BAIAP2L1: variants seen among roughly 807,000 people sequenced by gnomAD.
BAIAP2L1 encodes BAR/IMD domain containing adaptor protein 2 like 1.
Under a neutral mutation model 66.3 loss-of-function variants are expected in BAIAP2L1, and 35 were observed. That is an observed-to-expected ratio of 0.53 (90% CI 0.40 to 0.70). The LOEUF (loss-of-function observed/expected upper bound fraction) is 0.70. Among genes scored for constraint, BAIAP2L1 ranks in the 30% least tolerant of loss-of-function variants. The probability of loss-of-function intolerance (pLI) is 0.00; values close to 1 mark genes in which losing one functional copy is unlikely to be tolerated. For synonymous variants in BAIAP2L1, 269 were observed against 248.7 expected, an observed-to-expected ratio of 1.08 and a Z score of -0.77; for missense variants, 622 against 656.9, an observed-to-expected ratio of 0.95 and a Z score of 0.58.
At chr7:98,374,746 C>G (rs1248564422) in intron 1 of BAIAP2L1, among the ~76,000 whole-genome samples, 10 of 151,982 alleles carry the variant, frequency 6.6e-5, no homozygotes, top group Admixed American at 6.6e-4. Context: ...CTGACCCTCT[C>G]TCTCTTCTTT....
chr7:98,374,866 G>T (rs577594927), intron 1 of BAIAP2L1, among the ~76,000 whole-genome samples: 1 of 151,632 alleles, frequency 6.6e-6, no homozygotes, highest in South Asian at 2.1e-4. Context: ...TGGGAGGATC[G>T]CTTGAGGTCA....
At chr7:98,328,623 G>C (rs1801426559) in intron 3 of BAIAP2L1, among the ~76,000 whole-genome samples, 1 of 146,214 alleles carries the variant, frequency 6.8e-6, no homozygotes, top group African/African-American at 2.6e-5. Context: ...GAGGTGGGAA[G>C]ACTGCTTGAG....
At chr7:98,378,705 G>A (rs778686444) in intron 1 of BAIAP2L1, among the ~76,000 whole-genome samples, 10 of 152,054 alleles carry the variant, frequency 6.6e-5, no homozygotes, top group Non-Finnish European at 1.5e-4. Context: ...GCATGACCTC[G>A]GCTCACTGCA....
At chr7:98,307,470 G>A (rs1800701703) in intron 10 of BAIAP2L1, 16 of 1,409,882 alleles carry the variant, frequency 1.1e-5, no homozygotes, top group South Asian at 4.6e-5. Flanking sequence ...GACTTCATAC[G>A]CTCTAATAAC....
At chr7:98,357,498 C>T (rs1255519960) in intron 2 of BAIAP2L1, among the ~76,000 whole-genome samples, 1 of 143,182 alleles carries the variant, frequency 7.0e-6, no homozygotes, top group Non-Finnish European at 1.5e-5. Context: ...ACTCGGGAGG[C>T]AGAGGTTACA....
At chr7:98,306,549 G>A in intron 10 of BAIAP2L1, 33 bp from the exon 11 acceptor site, 1 of 1,614,072 alleles carries the variant, frequency 6.2e-7, no homozygotes, top group East Asian at 2.2e-5. Context: ...GACCCTATCA[G>A]CAGTAGACAT....
At chr7:98,380,684 C>T (rs1467414338) in intron 1 of BAIAP2L1, among the ~76,000 whole-genome samples, 1 of 150,886 alleles carries the variant, frequency 6.6e-6, no homozygotes, top group African/African-American at 2.4e-5. Context: ...CCTCCTACCT[C>T]AGCCTCCTAA....
intron 3 of BAIAP2L1, among the ~76,000 whole-genome samples, chr7:98,345,419 T>C (rs569533067): frequency 6.6e-6 from 1 of 152,016 alleles, no homozygotes; most frequent in Non-Finnish European, 1.5e-5. Flanking sequence ...GATATGCAAA[T>C]GGTCAGTAAG....
At chr7:98,311,463 C>T (rs1314379965) in intron 8 of BAIAP2L1, among the ~76,000 whole-genome samples, 2 of 150,746 alleles carry the variant, frequency 1.3e-5, no homozygotes, top group South Asian at 4.2e-4. Context: ...ATGGCGTGAA[C>T]CCAGGAGACG....
At chr7:98,330,461 C>A (rs866701080) in intron 3 of BAIAP2L1, among the ~76,000 whole-genome samples, 32 of 152,006 alleles carry the variant, frequency 2.1e-4, no homozygotes, top group African/African-American at 6.5e-4. Context: ...AGTTCTAGAC[C>A]AGCTGGACCA....
At chr7:98,305,512 C>A (rs183886330) in intron 11 of BAIAP2L1, among the ~76,000 whole-genome samples, 1 of 152,138 alleles carries the variant, frequency 6.6e-6, no homozygotes, top group East Asian at 1.9e-4. Flanking sequence ...TATGGGGGTT[C>A]TGTGAACTTC....
chr7:98,388,553 T>C (rs894105258), intron 1 of BAIAP2L1, among the ~76,000 whole-genome samples: 8 of 152,212 alleles, frequency 5.3e-5, no homozygotes, highest in Non-Finnish European at 1.0e-4. Context: ...TACAGGCATA[T>C]TGTTCCTGCA....
intron 1 of BAIAP2L1, among the ~76,000 whole-genome samples, chr7:98,393,173 A>G (rs1367892361): frequency 1.2e-5 from 1 of 86,080 alleles, no homozygotes; most frequent in African/African-American, 3.3e-5. Context: ...ATATGTATAT[A>G]TATACATATA....
intron 3 of BAIAP2L1, among the ~76,000 whole-genome samples, chr7:98,326,873 A>C (rs1584459297): frequency 1.9e-5 from 2 of 104,556 alleles, no homozygotes; most frequent in Admixed American, 2.0e-4. Context: ...TAGTCGTGAC[A>C]AAAAAAAAAA....
chr7:98,343,618 G>A (rs751276671), intron 3 of BAIAP2L1, among the ~76,000 whole-genome samples: 4 of 152,138 alleles, frequency 2.6e-5, no homozygotes, highest in Non-Finnish European at 4.4e-5. Context: ...GGATTATGTC[G>A]TTAATGCACC....
chr7:98,360,536 C>T lies in BAIAP2L1; in HGVS notation c.127+1821G>A, dbSNP rs377024571. Among the ~76,000 whole-genome samples the T allele has an allele frequency of 1.2e-3, 181 of 152,128 alleles. 1 individual carries two copies. Among genetic ancestry groups the T allele is most frequent in the African/African-American group, 4.0e-3 (168 of 41,494 alleles). ...CCAGGAGGTGCTAAAGTGTCAAGAG[C>T]CCTTTGGGGAGAAGCCTTGTTAGCA... On this transcript the variant is annotated intron_variant, in intron 2 of 13. Coordinates refer to ENST00000005260, the MANE Select transcript of BAIAP2L1 (RefSeq NM_018842.5).
At chr7:98,320,324 C>A (rs755412353) in intron 3 of BAIAP2L1, 26 bp from the exon 4 acceptor site, 2 of 1,537,172 alleles carry the variant, frequency 1.3e-6, no homozygotes, top group South Asian at 2.4e-5. Flanking sequence ...GATATGTTAG[C>A]GGGAAGCCAT....
intron 1 of BAIAP2L1, among the ~76,000 whole-genome samples, chr7:98,372,405 C>CA (rs999215129): frequency 5.3e-5 from 8 of 151,516 alleles, no homozygotes; most frequent in Admixed American, 3.9e-4. Flanking sequence ...AACTCAGTCT[C>CA]AAAAAAACAA....
At chr7:98,357,063 T>A (rs1319437820) in intron 2 of BAIAP2L1, among the ~76,000 whole-genome samples, 1 of 96,868 alleles carries the variant, frequency 1.0e-5, no homozygotes. Context: ...TTTTTTTTTT[T>A]TTTTTAAGAG....
Sources: gnomAD v4.1 joint callset for allele counts (sites outside exome capture counted in the v4.1 genomes callset) on GRCh38, gnomAD v4.1.1 for gene constraint, MANE v1.5 for transcripts, NCBI Gene and HGNC (gene_info 2026-07-23, HGNC 2026-07-21) for gene names.